The following NOTCH2NLC variants were observed in gnomAD, a reference collection of about 807,000 sequenced individuals.
NOTCH2NLC encodes notch 2 N-terminal like C, also known as notch homolog 2 N-terminal-like protein C.
Under a neutral mutation model 17.7 loss-of-function variants are expected in NOTCH2NLC, and 4 were observed. The ratio of observed to expected loss-of-function variants is 0.23; its 90% CI spans 0.11 to 0.52. The LOEUF (loss-of-function observed/expected upper bound fraction) is 0.52. Ranked by LOEUF, NOTCH2NLC falls within the 20% of genes least tolerant of loss-of-function variation. The probability of loss-of-function intolerance (pLI) is 0.96; values close to 1 mark genes in which losing one functional copy is unlikely to be tolerated. For synonymous variants in NOTCH2NLC, 18 were observed against 86.0 expected (o/e 0.21, Z 4.38); for missense variants, 57 against 207.2 (o/e 0.28, Z 4.45).
At chr1:149,462,757 G>A (rs1242790232) in intron 3 of NOTCH2NLC, among the ~76,000 whole-genome samples, 2 of 150,256 alleles carry the variant, frequency 1.3e-5, no homozygotes, top group African/African-American at 4.9e-5. Context: ...GGGGCACTAA[G>A]GATGACTTTA....
intron 1 of NOTCH2NLC, among the ~76,000 whole-genome samples, chr1:149,400,139 A>ATATATATATATT (rs1570899101): frequency 7.6e-6 from 1 of 131,978 alleles, no homozygotes; most frequent in Non-Finnish European, 1.6e-5. Flanking sequence ...TATAATATAT[A>ATATATATATATT]TTTTTTTTTT....
intron 1 of NOTCH2NLC, among the ~76,000 whole-genome samples, chr1:149,398,319 GTC>G (rs2084220582): frequency 1.3e-5 from 2 of 149,642 alleles, no homozygotes; most frequent in African/African-American, 4.9e-5. Flanking sequence ...TGTCTATTAT[GTC>G]TGTTAGTGGG....
intron 1 of NOTCH2NLC, among the ~76,000 whole-genome samples, chr1:149,393,006 C>T (rs1469906727): frequency 7.4e-6 from 1 of 136,036 alleles, no homozygotes; most frequent in Non-Finnish European, 1.6e-5. Flanking sequence ...GGAGGCGGAG[C>T]TTGCAGTGAG....
At chr1:149,430,554 T>C (rs1437763696) in intron 1 of NOTCH2NLC, among the ~76,000 whole-genome samples, 6 of 144,348 alleles carry the variant, frequency 4.2e-5, no homozygotes, top group Non-Finnish European at 7.6e-5. Flanking sequence ...GATCTATTAT[T>C]TATCTAGCAT....
intron 2 of NOTCH2NLC, among the ~76,000 whole-genome samples, chr1:149,450,139 A>T (rs1278875648): frequency 9.6e-5 from 14 of 145,878 alleles, no homozygotes; most frequent in Admixed American, 2.1e-4. Context: ...GTATATACCT[A>T]GGAAGGGAGG....
Position 149,405,493 on chromosome 1 carries a change from C to T in NOTCH2NLC, c.135+14571C>T, listed in dbSNP as rs1408442339. On this transcript the variant is annotated intron_variant, in intron 1 of 4. Transcript: ENST00000650865. ...AGGAATGTTCATCCAGATCACCTAG[C>T]CAGTCAGTGGTAAAGAACGGTCACT... Among the ~76,000 whole-genome samples, 12 of 147,242 alleles carry T rather than the reference C, an allele frequency of 8.1e-5. 1 individual carries two copies. The highest frequency in any genetic ancestry group is 5.4e-4 in the Admixed American group (8 of 14,726).
intron 1 of NOTCH2NLC, among the ~76,000 whole-genome samples, chr1:149,398,767 C>T (rs1248372208): frequency 1.3e-5 from 2 of 151,126 alleles, no homozygotes; most frequent in Non-Finnish European, 3.0e-5. Flanking sequence ...AAGCACCTTT[C>T]CCTGGAGGCT....
intron 1 of NOTCH2NLC, among the ~76,000 whole-genome samples, chr1:149,415,049 G>GT (rs2084327545): frequency 9.8e-6 from 1 of 101,844 alleles, no homozygotes; most frequent in Non-Finnish European, 2.0e-5. Context: ...CTTGTTTGAA[G>GT]TTATTAAGCC....
chr1:149,421,498 CA>C (rs1186003741), intron 1 of NOTCH2NLC, among the ~76,000 whole-genome samples: 1,306 of 36,964 alleles, frequency 0.035, 1 homozygote, highest in African/African-American at 0.079. Context: ...GACTCCATCT[CA>C]AAAAAAAAAA....
At chr1:149,449,246 G>A (rs1228537342) in intron 2 of NOTCH2NLC, among the ~76,000 whole-genome samples, 6 of 150,806 alleles carry the variant, frequency 4.0e-5, no homozygotes, top group Admixed American at 3.3e-4. Context: ...ATTATAATAC[G>A]GCACTGGAGC....
At position 149,402,181 on chromosome 1, in the gene NOTCH2NLC, A is replaced by C. The variant is rs1434538363; in HGVS notation, c.135+11259A>C. Among the ~76,000 whole-genome samples, 75 of 150,586 alleles carry C rather than the reference A, an allele frequency of 5.0e-4. 3 individuals are homozygous for C. Among genetic ancestry groups the C allele is most frequent in the Non-Finnish European group, 7.9e-4 (53 of 67,344 alleles). On this transcript the variant is annotated intron_variant, in intron 1 of 4. Transcript: ENST00000650865. ...CGCAACCTCCACCTCCCGGGTTCAA[A>C]TGATTCTCCTACCTCAGCCTCCCGA...
At position 149,390,802 on chromosome 1, in the gene NOTCH2NLC, A is replaced by AGGCGGCGGCGGC. The variant is rs1179469287; in HGVS notation, c.33_44dup (p.Gly15_Gly18dup). On this transcript the variant is annotated inframe_insertion, in exon 1 of 5. Transcript: ENST00000650865. ...ACCCCCTCCCCATGTGGATCTGCCCAGGCGGCGGCGGCGGCGGCGGCGGCG... is the reference window on the plus strand; with the variant it reads ...ACCCCCTCCCCATGTGGATCTGCCCAGGCGGCGGCGGCGGCGGCGGCGGCGGCGGCGGCGGCG... 55,299 of 941,186 alleles carry AGGCGGCGGCGGC rather than the reference A, an allele frequency of 0.059. 8,258 individuals carry two copies. The highest frequency in any genetic ancestry group is 0.086 in the African/African-American group (3,745 of 43,384). The allele number at this position is 941,186 out of a possible 1,614,324, so 58.3% of individuals were successfully genotyped here. A position where few individuals can be genotyped will look rare whatever the true frequency, so the allele number is the denominator to read the frequency against.
At chr1:149,393,069 C>CAAAAAAAAA (rs1158506660) in intron 1 of NOTCH2NLC, among the ~76,000 whole-genome samples, 3 of 43,090 alleles carry the variant, frequency 7.0e-5, no homozygotes, top group African/African-American at 2.5e-4. Flanking sequence ...GACTCCGTCT[C>CAAAAAAAAA]AAAAAAAAAA....
At chr1:149,396,753 AGATTCT>A (rs2084210514) in intron 1 of NOTCH2NLC, among the ~76,000 whole-genome samples, 1 of 140,728 alleles carries the variant, frequency 7.1e-6, no homozygotes, top group Admixed American at 7.3e-5. Context: ...GTTCTCATGG[AGATTCT>A]GATTCAGTGC....
intron 2 of NOTCH2NLC, among the ~76,000 whole-genome samples, chr1:149,448,982 T>C (rs1469900234): frequency 6.8e-6 from 1 of 146,348 alleles, no homozygotes; most frequent in Non-Finnish European, 1.5e-5. Context: ...TCTGGGTTCA[T>C]GCCATTCTCC....
intron 1 of NOTCH2NLC, among the ~76,000 whole-genome samples, chr1:149,413,473 A>C (rs1433087349): frequency 1.2e-4 from 18 of 151,398 alleles, no homozygotes; most frequent in African/African-American, 4.4e-4. Context: ...CTGTGCTTGA[A>C]GGAAAGAGGG....
rs2084674805 is a variant in NOTCH2NLC at position 149,464,734 on chromosome 1, G to A, written c.*581G>A. The A allele has an allele frequency of 6.6e-6, 1 of 150,412 alleles. No individual in the cohort carries two copies. The highest frequency in any genetic ancestry group is 1.5e-5 in the Non-Finnish European group (1 of 67,504). 9.3% of individuals were successfully genotyped at this position (150,412 alleles called of 1,614,324 possible). On this transcript the variant is annotated 3_prime_UTR_variant, in exon 5 of 5. Coordinates refer to ENST00000650865, the MANE Select transcript of NOTCH2NLC (RefSeq NM_001364013.2). ...TGAATTACTAAGCAACAAAGATCCT[G>A]TTTTTATACAAATATCCTTAGTACA...
rs2084719095 is a variant in NOTCH2NLC at position 149,471,426 on chromosome 1, G to T, written c.*7273G>T. Among the ~76,000 whole-genome samples the T allele has an allele frequency of 6.7e-6, 1 of 150,146 alleles. No individual in the cohort carries two copies. The highest frequency in any genetic ancestry group is 2.4e-5 in the African/African-American group (1 of 40,822). On this transcript the variant is annotated 3_prime_UTR_variant, in exon 5 of 5. Transcript: ENST00000650865. ...TTACAAAGATTTACTACTTCTAAGT[G>T]ATTTATAATTTTACCACCTACCTTT...
At chr1:149,423,266 A>T (rs1322844416) in intron 1 of NOTCH2NLC, among the ~76,000 whole-genome samples, 5 of 149,904 alleles carry the variant, frequency 3.3e-5, no homozygotes, top group Non-Finnish European at 7.4e-5. Flanking sequence ...TTTTCCTTTT[A>T]ATCAAGACAA....
Sources: gnomAD v4.1 joint callset for allele counts (sites outside exome capture counted in the v4.1 genomes callset) on GRCh38, gnomAD v4.1.1 for gene constraint, MANE v1.5 for transcripts, NCBI Gene and HGNC (gene_info 2026-07-23, HGNC 2026-07-21) for gene names.